Variants in FCGR2B observed in about 807,000 individuals in gnomAD.
FCGR2B encodes low affinity immunoglobulin gamma Fc region receptor II-b.
Under a neutral mutation model 24.8 loss-of-function variants are expected in FCGR2B, and 18 were observed. The ratio of observed to expected loss-of-function variants is 0.73; its 90% confidence interval spans 0.50 to 1.08. The LOEUF is 1.08. FCGR2B is among the 50% of genes least tolerant of loss of function. The pLI is 0.00. For synonymous variants in FCGR2B, 79 were observed against 109.8 expected (o/e 0.72, Z 1.75); for missense variants, 215 against 297.6 (o/e 0.72, Z 2.04).
chr1:161,671,841 C>T (rs1681694913), intron 3 of FCGR2B, 192 bp downstream of exon 3: 1 of 1,109,424 alleles, frequency 9.0e-7, no homozygotes, highest in Middle Eastern at 3.0e-4. Context: ...AGGCCAAAAA[C>T]AGGCAGCCAA....
chr1:161,671,661 A>G lies in FCGR2B; in HGVS notation c.391+12A>G. 2 of 1,612,918 alleles carry G rather than the reference A, an allele frequency of 1.2e-6. No homozygotes were observed. Among genetic ancestry groups the G allele is most frequent in the Non-Finnish European group, 1.7e-6 (2 of 1,178,944 alleles). On this transcript the variant is annotated intron_variant, in intron 3 of 7. Coordinates refer to ENST00000358671, the MANE Select transcript of FCGR2B (RefSeq NM_001394477.1). ...GACTGTGCTTTCTGGTCAGTGGAGG[A>G]AGGCCCCAGGGTGGACCTGGGAGGG...
At chr1:161,671,835 C>A in intron 3 of FCGR2B, 186 bp downstream of exon 3, 6 of 1,145,910 alleles carry the variant, frequency 5.2e-6, no homozygotes, top group South Asian at 5.0e-5. Context: ...GTTTCAAGGC[C>A]AAAAACAGGC....
At chr1:161,661,280 AAGAAAGAGAG>A (rs1161727138), upstream of FCGR2B, among the ~76,000 whole-genome samples, 2 of 138,792 alleles carry the variant, frequency 1.4e-5, 1 homozygote, top group Non-Finnish European at 3.1e-5. Context: ...GCAAGAAAGG[AAGAAAGAGAG>A]AGAAAGAAAG....
rs2102684044 is a variant in FCGR2B at position 161,677,723 on chromosome 1, C to G, written c.*170C>G. 1.7e-6 allele frequency: 1 copy of G among 597,266 alleles called. No individual in the cohort carries two copies. Among genetic ancestry groups the G allele is most frequent in the South Asian group, 2.2e-5 (1 of 45,580 alleles). 37.0% of individuals were successfully genotyped at this position (597,266 alleles called of 1,614,324 possible). On this transcript the variant is annotated 3_prime_UTR_variant, in exon 8 of 8. Transcript: ENST00000358671. Reference sequence around the variant, plus strand: ...CTGAAGCTCCCTGTCCTGAAAGCCACAGACAATATGGTCCCAAATAACCGA... The same window carrying G: ...CTGAAGCTCCCTGTCCTGAAAGCCAGAGACAATATGGTCCCAAATAACCGA...
chr1:161,654,423 C>A, the FCGR2B span, among the ~76,000 whole-genome samples: 1 of 136,798 alleles, frequency 7.3e-6, no homozygotes, highest in Admixed American at 7.5e-5. Context: ...GTAATGGGCT[C>A]TTTTCCTGTG....
the FCGR2B span, among the ~76,000 whole-genome samples, chr1:161,654,660 C>T: frequency 4.1e-4 from 55 of 132,874 alleles, no homozygotes; most frequent in African/African-American, 1.3e-3. Context: ...TGGCTTTCAG[C>T]GATTTATTAA....
chr1:161,647,672 A>G, the FCGR2B span, among the ~76,000 whole-genome samples: 1 of 150,754 alleles, frequency 6.6e-6, no homozygotes, highest in Non-Finnish European at 1.5e-5. Context: ...AACCACTCAG[A>G]TCTCTCTTTC....
In FCGR2B at chr1:161,675,328, T is replaced by C. The variant is rs758943530; in HGVS notation, c.817+15T>C. The C allele has an allele frequency of 1.9e-6, 3 of 1,540,212 alleles. No individual in the cohort carries two copies. Among genetic ancestry groups the C allele is most frequent in the East Asian group, 2.4e-5 (1 of 41,720 alleles). ...TGAGAAACCAGGTGAGTACAGGTTGTCTCAGGGATTCAGTGATGGCTCACC... is the reference window on the plus strand; with the variant it reads ...TGAGAAACCAGGTGAGTACAGGTTGCCTCAGGGATTCAGTGATGGCTCACC... On this transcript the variant is annotated intron_variant, in intron 6 of 7. Coordinates refer to ENST00000358671, the MANE Select transcript of FCGR2B (RefSeq NM_001394477.1).
At chr1:161,674,409 G>A in intron 5 of FCGR2B, 1 of 371,120 alleles carries the variant, frequency 2.7e-6, no homozygotes, top group Non-Finnish European at 5.2e-6. Flanking sequence ...TAGGATAGAA[G>A]TACAGAGGAG....
At chr1:161,674,956 G>A in intron 5 of FCGR2B, 1 of 337,194 alleles carries the variant, frequency 3.0e-6, no homozygotes, top group Non-Finnish European at 5.4e-6. Flanking sequence ...GAGAAACAGA[G>A]AGAGAGAGAC....
intron 3 of FCGR2B, 135 bp downstream of exon 3, chr1:161,671,784 C>G (rs551268577): frequency 1.3e-6 from 2 of 1,500,360 alleles, no homozygotes; most frequent in East Asian, 4.8e-5. Context: ...CAGCACATAT[C>G]AGTGGTTGTT....
At chr1:161,661,152 A>C (rs1232667558), upstream of FCGR2B, among the ~76,000 whole-genome samples, 1 of 96,688 alleles carries the variant, frequency 1.0e-5, no homozygotes. Flanking sequence ...GAAAGAAAGA[A>C]AGGAAGAAAG....
chr1:161,652,013 A>G, the FCGR2B span, among the ~76,000 whole-genome samples: 2 of 113,186 alleles, frequency 1.8e-5, no homozygotes, highest in African/African-American at 6.0e-5. Context: ...TCTATCTGTG[A>G]TTTTCAGCAG....
At position 161,677,374 on chromosome 1, in the gene FCGR2B, TCC is replaced by T. The variant is rs1446729586; in HGVS notation, c.855+11_855+12del. The T allele has an allele frequency of 6.2e-7, 1 of 1,613,214 alleles. No individual in the cohort carries two copies. Among genetic ancestry groups the T allele is most frequent in the Non-Finnish European group, 8.5e-7 (1 of 1,179,428 alleles). The stretch of plus-strand genomic sequence containing the variant: ...AGGCTGACAAAGTTGGGGTGAGTGA[TCC>T]CAGCCATCTCCCCCTCCCTTCTCCC... On this transcript the variant is annotated intron_variant, in intron 7 of 7. Coordinates refer to ENST00000358671, the MANE Select transcript of FCGR2B (RefSeq NM_001394477.1).
At chr1:161,649,372 G>C in the FCGR2B span, among the ~76,000 whole-genome samples, 2,142 of 150,948 alleles carry the variant, frequency 0.014, 120 homozygotes, top group African/African-American at 0.05. Flanking sequence ...AAGTTTTGCA[G>C]AAGAGGGCTG....
the FCGR2B span, among the ~76,000 whole-genome samples, chr1:161,648,731 C>T: frequency 6.6e-6 from 1 of 150,546 alleles, no homozygotes; most frequent in Non-Finnish European, 1.5e-5. Flanking sequence ...GCTCTGTCGC[C>T]CAGGCTGGAG....
chr1:161,673,277 C>A (rs199544489), intron 4 of FCGR2B, 48 bp downstream of exon 4: 3 of 1,479,746 alleles, frequency 2.0e-6, no homozygotes, highest in Non-Finnish European at 2.8e-6. Context: ...AGGGGATGGA[C>A]AAGGGCTGAG....
Position 161,672,921 on chromosome 1 carries a change from C to A in FCGR2B, c.392-54C>A. On this transcript the variant is annotated intron_variant, in intron 3 of 7. Coordinates refer to ENST00000358671, the MANE Select transcript of FCGR2B (RefSeq NM_001394477.1). ...TCCCACCAGTAAGGAAGATCTGGGTCTCAGAGCTGAGCCAAGACCTCCCGG... is the reference window on the plus strand; with the variant it reads ...TCCCACCAGTAAGGAAGATCTGGGTATCAGAGCTGAGCCAAGACCTCCCGG... The A allele has an allele frequency of 1.4e-5, 22 of 1,607,770 alleles. No individual in the cohort carries two copies. In the South Asian group the frequency reaches 2.3e-4, roughly 17 times the overall value.
chr1:161,675,733 C>G (rs1682068861), intron 6 of FCGR2B: 1 of 236,580 alleles, frequency 4.2e-6, no homozygotes, highest in Non-Finnish European at 8.3e-6. Context: ...CCTGGAAACC[C>G]CTTGATTTGC....
Sources: gnomAD v4.1 joint callset for allele counts (sites outside exome capture counted in the v4.1 genomes callset) on GRCh38, gnomAD v4.1.1 for gene constraint, MANE v1.5 for transcripts, NCBI Gene and HGNC (gene_info 2026-07-23, HGNC 2026-07-21) for gene names.